Variants in PTPRT observed in about 807,000 individuals in gnomAD.
PTPRT encodes protein tyrosine phosphatase receptor type T.
In PTPRT, 56 loss-of-function variants were observed where a neutral mutation model predicts 176.8. The observed-to-expected ratio is 0.32, with a 90% confidence interval of 0.26 to 0.40. The LOEUF (loss-of-function observed/expected upper bound fraction) is 0.40, where lower values mean the gene tolerates loss of function less well. Among genes scored for constraint, PTPRT ranks in the 10% least tolerant of loss-of-function variants. The pLI is 1.00. For synonymous variants in PTPRT, 783 were observed against 739.0 expected (o/e 1.06, Z -0.96); for missense variants, 1,540 against 1,908.2 (o/e 0.81, Z 3.60).
chr20:42,817,620 C>T (rs1475293669), intron 2 of PTPRT, among the ~76,000 whole-genome samples: 1 of 152,136 alleles, frequency 6.6e-6, no homozygotes, highest in Non-Finnish European at 1.5e-5. Context: ...TCCATTGTTG[C>T]GGAAGAGGCT....
chr20:42,390,687 A>C (rs1224889157), intron 9 of PTPRT, among the ~76,000 whole-genome samples: 2 of 152,220 alleles, frequency 1.3e-5, no homozygotes, highest in Admixed American at 1.3e-4. Flanking sequence ...CCCCAGTCCC[A>C]GTCCAACCTT....
At chr20:42,995,225 G>A (rs1284686064) in intron 1 of PTPRT, among the ~76,000 whole-genome samples, 1 of 152,210 alleles carries the variant, frequency 6.6e-6, no homozygotes, top group Non-Finnish European at 1.5e-5. Context: ...CTATTCAGAA[G>A]TTCAGGAGCA....
In PTPRT at chr20:42,248,669, G is replaced by C. The variant is rs1300886548; in HGVS notation, c.2312+18C>G. Reference sequence around the variant, plus strand: ...ACCTCGGGTCAGCAGAGTCTTGCAGGCAGCAGCAGAGACTCACCTCCTTTT... The same window carrying C: ...ACCTCGGGTCAGCAGAGTCTTGCAGCCAGCAGCAGAGACTCACCTCCTTTT... On this transcript the variant is annotated intron_variant, in intron 14 of 30. Transcript: ENST00000373187. 1 of 1,612,880 alleles carries C rather than the reference G, an allele frequency of 6.2e-7. No individual in the cohort carries two copies. The highest frequency in any genetic ancestry group is 8.5e-7 in the Non-Finnish European group (1 of 1,179,352).
At chr20:42,576,398 T>C (rs987318627) in intron 7 of PTPRT, among the ~76,000 whole-genome samples, 6 of 152,200 alleles carry the variant, frequency 3.9e-5, no homozygotes, top group Non-Finnish European at 4.4e-5. Context: ...GCACGGTGCC[T>C]GGCCTGCAGC....
chr20:42,445,405 T>TTGA (rs2059353591), intron 9 of PTPRT, among the ~76,000 whole-genome samples: 1 of 152,232 alleles, frequency 6.6e-6, no homozygotes, highest in Non-Finnish European at 1.5e-5. Flanking sequence ...GAGAGGCCAC[T>TTGA]TGATGTACTC....
intron 15 of PTPRT, among the ~76,000 whole-genome samples, chr20:42,229,131 A>T (rs2056081946): frequency 6.6e-6 from 1 of 152,210 alleles, no homozygotes; most frequent in South Asian, 2.1e-4. Flanking sequence ...AATCAGAGTG[A>T]TGTGAGGATG....
At chr20:42,953,164 A>G (rs1008670773) in intron 1 of PTPRT, among the ~76,000 whole-genome samples, 1 of 152,200 alleles carries the variant, frequency 6.6e-6, no homozygotes, top group African/African-American at 2.4e-5. Flanking sequence ...AATCTAAACT[A>G]AATGACAGCT....
chr20:42,101,511 G>C (rs549214509), intron 26 of PTPRT, among the ~76,000 whole-genome samples: 7 of 152,310 alleles, frequency 4.6e-5, no homozygotes, highest in African/African-American at 1.7e-4. Context: ...AACCAGGGTA[G>C]GGTGAAGCCC....
intron 7 of PTPRT, among the ~76,000 whole-genome samples, chr20:42,518,978 C>T (rs957436340): frequency 6.6e-6 from 1 of 151,940 alleles, no homozygotes; most frequent in South Asian, 2.1e-4. Flanking sequence ...CTCTCATGTA[C>T]CCTTTATCCA....
At chr20:42,359,900 C>T (rs942514124) in intron 9 of PTPRT, among the ~76,000 whole-genome samples, 1 of 152,204 alleles carries the variant, frequency 6.6e-6, no homozygotes, top group African/African-American at 2.4e-5. Flanking sequence ...TAGCCTGGTG[C>T]GGACTTTCTT....
chr20:42,224,773 C>A (rs528394627), intron 15 of PTPRT, among the ~76,000 whole-genome samples: 1 of 152,328 alleles, frequency 6.6e-6, no homozygotes, highest in South Asian at 2.1e-4. Context: ...CGCAAATACA[C>A]CAACTCCTCT....
chr20:42,707,714 G>A (rs960766339), intron 6 of PTPRT, among the ~76,000 whole-genome samples: 2 of 152,174 alleles, frequency 1.3e-5, no homozygotes, highest in Non-Finnish European at 2.9e-5. Flanking sequence ...GCTACTGGGG[G>A]AGGCTGAGGC....
At chr20:42,057,764 A>C in the PTPRT span, among the ~76,000 whole-genome samples, 4 of 151,994 alleles carry the variant, frequency 2.6e-5, no homozygotes, top group East Asian at 3.9e-4. Context: ...ATTTCTGTAG[A>C]GATTGGGTCT....
chr20:42,152,573 A>C (rs1372647260), intron 17 of PTPRT, among the ~76,000 whole-genome samples: 1 of 152,230 alleles, frequency 6.6e-6, no homozygotes, highest in East Asian at 1.9e-4. Context: ...TTAGGTGACA[A>C]ATTCCCTGCC....
chr20:42,438,367 T>C (rs550145741), intron 9 of PTPRT, among the ~76,000 whole-genome samples: 3 of 152,238 alleles, frequency 2.0e-5, no homozygotes, highest in Non-Finnish European at 4.4e-5. Flanking sequence ...CCCACTGAAA[T>C]GAAAGAAAGT....
intron 7 of PTPRT, among the ~76,000 whole-genome samples, chr20:42,566,708 T>C (rs2073045994): frequency 6.6e-6 from 1 of 152,160 alleles, no homozygotes; most frequent in Non-Finnish European, 1.5e-5. Context: ...AAAGGACTAT[T>C]GCTCCTGTTG....
intron 9 of PTPRT, among the ~76,000 whole-genome samples, chr20:42,417,422 T>C (rs1250061254): frequency 6.6e-6 from 1 of 152,052 alleles, no homozygotes; most frequent in Non-Finnish European, 1.5e-5. Flanking sequence ...CATGCCTTGT[T>C]TCGTTGTTTC....
intron 5 of PTPRT, among the ~76,000 whole-genome samples, chr20:42,766,549 G>A (rs150697147): frequency 1.9e-4 from 29 of 152,172 alleles, no homozygotes; most frequent in African/African-American, 7.0e-4. Flanking sequence ...TTTCCAGAGG[G>A]GTGCAAAACA....
intron 1 of PTPRT, among the ~76,000 whole-genome samples, chr20:43,069,562 AC>A (rs1055679030): frequency 6.6e-6 from 1 of 152,224 alleles, no homozygotes; most frequent in Non-Finnish European, 1.5e-5. Flanking sequence ...ATAATATTAA[AC>A]CAAAGAGGTA....
Sources: allele counts gnomAD v4.1 joint callset (sites outside exome capture counted in the v4.1 genomes callset), GRCh38; gene constraint gnomAD v4.1.1; transcripts MANE v1.5; gene names NCBI Gene and HGNC (gene_info 2026-07-23, HGNC 2026-07-21).